The following ME1 variants were observed in gnomAD, a reference collection of about 807,000 sequenced individuals.
ME1 encodes the protein malic enzyme 1, also known as NADP-dependent malic enzyme.
A neutral mutation model predicts 66.4 loss-of-function variants in ME1; 74 were observed. The ratio of observed to expected loss-of-function variants is 1.11; its 90% confidence interval spans 0.92 to 1.35. The LOEUF is 1.35. Among genes scored for constraint, ME1 ranks in the 40% most tolerant of loss-of-function variants. ME1 has a pLI of 0.00. For missense variants in ME1, 750 were observed against 694.1 expected, an observed-to-expected ratio of 1.08 and a Z score of -0.90; for synonymous variants, 251 against 235.6, an observed-to-expected ratio of 1.07 and a Z score of -0.60.
intron 9 of ME1, among the ~76,000 whole-genome samples, chr6:83,235,201 G>A (rs1248224554): frequency 6.6e-6 from 1 of 152,116 alleles, no homozygotes; most frequent in East Asian, 1.9e-4. Context: ...GCAGTTGGGA[G>A]CATCATCTCC....
chr6:83,427,308 C>T (rs58379097), intron 1 of ME1, among the ~76,000 whole-genome samples: 3,647 of 152,178 alleles, frequency 0.024, 152 homozygotes, highest in East Asian at 0.16. Flanking sequence ...AATGAAGATC[C>T]TAATTCTCTT....
intron 6 of ME1, among the ~76,000 whole-genome samples, chr6:83,284,648 A>G (rs1395034133): frequency 6.6e-6 from 1 of 152,188 alleles, no homozygotes; most frequent in Admixed American, 6.5e-5. Context: ...AAAATCCAAC[A>G]TCCCTTCATT....
At chr6:83,301,269 T>C (rs1244339423) in intron 6 of ME1, among the ~76,000 whole-genome samples, 1 of 151,974 alleles carries the variant, frequency 6.6e-6, no homozygotes, top group East Asian at 1.9e-4. Context: ...TTCCCCTTCC[T>C]TCCTTCCCTC....
intron 6 of ME1, among the ~76,000 whole-genome samples, chr6:83,307,442 T>G (rs1210833335): frequency 1.3e-5 from 2 of 152,150 alleles, no homozygotes; most frequent in East Asian, 3.8e-4. Context: ...TTTCACCTGG[T>G]TATTTCACCC....
rs557489627 is a variant in ME1 at position 83,341,011 on chromosome 6, A to T, written c.600+5162T>A. On this transcript the variant is annotated intron_variant, in intron 5 of 13. Coordinates refer to ENST00000369705, the MANE Select transcript of ME1 (RefSeq NM_002395.6). ...TTTTATCTAGTAGCTTAGCGACCAT[A>T]ACTGAGAGTCACCGGGTGAACGCTG... Among the ~76,000 whole-genome samples, 4 of 152,112 alleles carry T rather than the reference A, an allele frequency of 2.6e-5. No individual in the cohort carries two copies. The South Asian group carries it at 8.3e-4, about 32-fold the overall frequency.
intron 6 of ME1, among the ~76,000 whole-genome samples, chr6:83,309,375 A>G (rs1767888707): frequency 6.6e-6 from 1 of 152,154 alleles, no homozygotes; most frequent in African/African-American, 2.4e-5. Context: ...ACAATGAGAA[A>G]AGGTTAGATT....
chr6:83,245,556 C>T (rs1238690841), intron 7 of ME1, among the ~76,000 whole-genome samples: 3 of 152,086 alleles, frequency 2.0e-5, no homozygotes, highest in South Asian at 4.2e-4. Flanking sequence ...CAGGCATGCA[C>T]CATCATGCCC....
chr6:83,430,402 G>A (rs1430484530), intron 1 of ME1, among the ~76,000 whole-genome samples: 2 of 152,236 alleles, frequency 1.3e-5, no homozygotes, highest in East Asian at 1.9e-4. Context: ...CTCAGTACAC[G>A]TTTCTGTCTG....
chr6:83,268,761 A>ATTATTATTATTATTATTATTC (rs1767034168), intron 6 of ME1, among the ~76,000 whole-genome samples: 1 of 149,378 alleles, frequency 6.7e-6, no homozygotes, highest in African/African-American at 2.5e-5. Context: ...TATTATTATT[A>ATTATTATTATTATTATTATTC]TTGTATTTTT....
intron 1 of ME1, among the ~76,000 whole-genome samples, chr6:83,411,328 C>T (rs1297539551): frequency 6.6e-6 from 1 of 151,670 alleles, no homozygotes; most frequent in African/African-American, 2.4e-5. Context: ...TGCGCCACTG[C>T]ACTCCAGCCT....
intron 9 of ME1, among the ~76,000 whole-genome samples, chr6:83,236,607 C>T (rs1353021608): frequency 1.3e-5 from 2 of 152,066 alleles, no homozygotes; most frequent in East Asian, 3.8e-4. Flanking sequence ...GGCCACAAAC[C>T]TAATTTTATT....
At chr6:83,293,119 C>T (rs978736558) in intron 6 of ME1, among the ~76,000 whole-genome samples, 2 of 152,174 alleles carry the variant, frequency 1.3e-5, no homozygotes, top group African/African-American at 2.4e-5. Context: ...CGACACCCTG[C>T]CCTGCTTCAG....
chr6:83,275,263 G>A (rs933001277), intron 6 of ME1, among the ~76,000 whole-genome samples: 2 of 151,750 alleles, frequency 1.3e-5, no homozygotes, highest in Non-Finnish European at 2.9e-5. Flanking sequence ...GAACCTGGGA[G>A]CTGGAGGTTG....
At chr6:83,253,240 T>C (rs915020249) in intron 7 of ME1, among the ~76,000 whole-genome samples, 7 of 152,118 alleles carry the variant, frequency 4.6e-5, no homozygotes. Flanking sequence ...AAATGCAGCA[T>C]ACTACATAAA....
chr6:83,283,320 A>C (rs1767340782), intron 6 of ME1, among the ~76,000 whole-genome samples: 1 of 151,536 alleles, frequency 6.6e-6, no homozygotes, highest in African/African-American at 2.4e-5. Context: ...CTAACACAGG[A>C]ACAGAAAACC....
rs925519799 is a variant in ME1, at chr6:83,384,748, CT to C, written c.362+13618del. 1.1e-4 allele frequency among the ~76,000 whole-genome samples: 16 copies of C among 151,884 alleles called. 1 individual carries two copies. The highest frequency in any genetic ancestry group is 3.6e-4 in the African/African-American group (15 of 41,376). Reference sequence around the variant, plus strand: ...AGAATGGTATTTCTTAAGTTTTCTTCTAGTGTTTTATAGTTTTAGGTTTTAC... The same window carrying C: ...AGAATGGTATTTCTTAAGTTTTCTTCAGTGTTTTATAGTTTTAGGTTTTAC... On this transcript the variant is annotated intron_variant, in intron 3 of 13. Coordinates refer to ENST00000369705, the MANE Select transcript of ME1 (RefSeq NM_002395.6).
chr6:83,230,802 A>G (rs1790293415), intron 9 of ME1, among the ~76,000 whole-genome samples: 1 of 152,072 alleles, frequency 6.6e-6, no homozygotes, highest in South Asian at 2.1e-4. Flanking sequence ...GCGTGGTGGC[A>G]GGAGCCTGTA....
intron 1 of ME1, among the ~76,000 whole-genome samples, chr6:83,425,571 TAC>T (rs1770354929): frequency 6.6e-6 from 1 of 152,040 alleles, no homozygotes. Flanking sequence ...ACTCACTCAC[TAC>T]CAGGAGAACA....
intron 6 of ME1, among the ~76,000 whole-genome samples, chr6:83,260,531 TG>T (rs1766863158): frequency 6.6e-6 from 1 of 152,206 alleles, no homozygotes; most frequent in South Asian, 2.1e-4. Context: ...ATGCTAAGCC[TG>T]GTACACAATA....
Sources: gnomAD v4.1 joint callset for allele counts (sites outside exome capture counted in the v4.1 genomes callset) on GRCh38, gnomAD v4.1.1 for gene constraint, MANE v1.5 for transcripts, NCBI Gene and HGNC (gene_info 2026-07-23, HGNC 2026-07-21) for gene names.